HECW2: variants seen among roughly 807,000 people sequenced by gnomAD.
HECW2 encodes E3 ubiquitin-protein ligase HECW2.
Under a neutral mutation model 175.2 loss-of-function variants are expected in HECW2, and 61 were observed. That is an observed-to-expected ratio of 0.35 (90% CI 0.28 to 0.43). The LOEUF is 0.43. Ranked by LOEUF, HECW2 falls within the 20% of genes least tolerant of loss-of-function variation. The pLI is 1.00. For synonymous variants in HECW2, 671 were observed against 731.0 expected, an observed-to-expected ratio of 0.92 and a Z score of 1.32; for missense variants, 1,524 against 2,000.5, an observed-to-expected ratio of 0.76 and a Z score of 4.54.
At chr2:196,413,029 C>T (rs1196973313) in intron 2 of HECW2, among the ~76,000 whole-genome samples, 1 of 152,148 alleles carries the variant, frequency 6.6e-6, no homozygotes, top group East Asian at 1.9e-4. Context: ...AGGTGGAGAG[C>T]TGCCCTAAGA....
chr2:196,275,742 C>T (rs6710017), intron 15 of HECW2, among the ~76,000 whole-genome samples: 6,997 of 148,462 alleles, frequency 0.047, 547 homozygotes, highest in African/African-American at 0.17. Flanking sequence ...CAAAGCAAGA[C>T]TCTGTCTTAA....
rs1203023918 is a variant in HECW2, at chr2:196,199,477, TA to T, written c.*1799del. ...GTATTCCTCTTGAGGGTCCCAGTAG[TA>T]AACATAGCTTAACTCACAGGAGAGC... On this transcript the variant is annotated 3_prime_UTR_variant, in exon 29 of 29. Transcript: ENST00000644978. 1 of 152,598 alleles carries T rather than the reference TA, an allele frequency of 6.6e-6. No homozygotes were observed. Among genetic ancestry groups the T allele is most frequent in the Non-Finnish European group, 1.5e-5 (1 of 68,016 alleles). 9.5% of individuals were successfully genotyped at this position (152,598 alleles called of 1,614,324 possible). A position where few individuals can be genotyped will look rare whatever the true frequency, so the allele number is the denominator to read the frequency against.
At chr2:196,211,362 G>T (rs562487710) in intron 28 of HECW2, among the ~76,000 whole-genome samples, 2 of 152,294 alleles carry the variant, frequency 1.3e-5, no homozygotes, top group East Asian at 3.9e-4. Flanking sequence ...AGCACCAGGG[G>T]TATGAAGTCT....
At position 196,307,230 on chromosome 2, in the gene HECW2, A is replaced by G. The variant is rs776948795; in HGVS notation, c.2589T>C (p.Tyr863=). 10 of 1,602,666 alleles carry G rather than the reference A, an allele frequency of 6.2e-6. No homozygotes were observed. Among genetic ancestry groups the G allele is most frequent in the Admixed American group, 5.0e-5 (3 of 59,984 alleles). ...IQQMEQLNRR[Y]QSIRRTMTNE... ...TGGTCATGGTTCTGCGGATACTCTGATATCTAAAATCATGAGCCTAGAGTT... is the reference window on the plus strand; with the variant it reads ...TGGTCATGGTTCTGCGGATACTCTGGTATCTAAAATCATGAGCCTAGAGTT... Residue 863 remains tyrosine, a synonymous_variant, in exon 12 of 29, where the codon TAT becomes TAC. Coordinates refer to ENST00000644978, the MANE Select transcript of HECW2 (RefSeq NM_001348768.2).
chr2:196,419,806 T>C (rs1695360372), intron 2 of HECW2, among the ~76,000 whole-genome samples: 1 of 152,104 alleles, frequency 6.6e-6, no homozygotes. Flanking sequence ...TATTAAGAAA[T>C]TGAAGCTCGG....
rs1686617055 is a variant in HECW2 at position 196,194,182 on chromosome 2, A to G, written c.*7095T>C. On this transcript the variant is annotated 3_prime_UTR_variant, in exon 29 of 29. Transcript: ENST00000644978. ...AACAAAGTAGATTCCAAACAAAATA[A>G]ACAAATATTTTATTAATAAATAATA... 6.6e-6 allele frequency: 1 copy of G among 151,808 alleles called. No individual in the cohort carries two copies. Among genetic ancestry groups the G allele is most frequent in the Non-Finnish European group, 1.5e-5 (1 of 67,944 alleles). The allele number at this position is 151,808 out of a possible 1,614,324, so 9.4% of individuals were successfully genotyped here.
intron 1 of HECW2, among the ~76,000 whole-genome samples, chr2:196,442,645 T>C (rs1230966710): frequency 6.6e-6 from 1 of 152,206 alleles, no homozygotes; most frequent in African/African-American, 2.4e-5. Flanking sequence ...AGATTTGACA[T>C]GGGAATTTGT....
intron 1 of HECW2, among the ~76,000 whole-genome samples, chr2:196,572,943 G>A (rs76702178): frequency 0.063 from 9,541 of 152,134 alleles, 1,026 homozygotes; most frequent in African/African-American, 0.22. Flanking sequence ...ATGGTATTCC[G>A]TTATAGCAGT....
intron 2 of HECW2, among the ~76,000 whole-genome samples, chr2:196,353,411 A>T (rs1311469296): frequency 2.0e-5 from 3 of 152,192 alleles, no homozygotes; most frequent in Non-Finnish European, 2.9e-5. Flanking sequence ...CTAGTTACAC[A>T]TTTAAATATA....
intron 15 of HECW2, among the ~76,000 whole-genome samples, chr2:196,275,763 A>G (rs1689931926): frequency 6.6e-6 from 1 of 151,946 alleles, no homozygotes; most frequent in Admixed American, 6.6e-5. Flanking sequence ...AAAAAAAAAA[A>G]GAATGCAGGA....
chr2:196,440,697 C>A (rs1369292911), intron 1 of HECW2, among the ~76,000 whole-genome samples: 3 of 152,146 alleles, frequency 2.0e-5, no homozygotes, highest in Non-Finnish European at 4.4e-5. Context: ...GACACATTTT[C>A]TTCAGAAAAT....
chr2:196,333,534 A>G (rs1168058162), intron 4 of HECW2, among the ~76,000 whole-genome samples: 3 of 152,126 alleles, frequency 2.0e-5, no homozygotes, highest in Non-Finnish European at 4.4e-5. Flanking sequence ...CACACATACA[A>G]TGTTGTAAAG....
At chr2:196,519,468 C>T (rs998502145) in intron 1 of HECW2, among the ~76,000 whole-genome samples, 15 of 152,196 alleles carry the variant, frequency 9.9e-5, no homozygotes, top group Non-Finnish European at 2.1e-4. Context: ...AGAAAATGCA[C>T]ACCTTCTTAT....
chr2:196,300,646 T>G (rs780526743), intron 13 of HECW2, among the ~76,000 whole-genome samples: 11 of 152,174 alleles, frequency 7.2e-5, no homozygotes, highest in Non-Finnish European at 1.2e-4. Flanking sequence ...AAATTATAAG[T>G]CAGGAAGTGT....
In HECW2 at chr2:196,234,169, CA is replaced by C. The variant is rs1688156018; in HGVS notation, c.3765-5916del. On this transcript the variant is annotated intron_variant, in intron 21 of 28. Transcript: ENST00000644978. ...TGGCCATGGAGAAAAAGAGGCAGGG[CA>C]ATCACAGTGTAAACCTCCTCTCTTT... Among the ~76,000 whole-genome samples, 4 of 152,194 alleles carry C rather than the reference CA, an allele frequency of 2.6e-5. No homozygotes were observed. In the South Asian group the frequency reaches 8.3e-4, roughly 32 times the overall value.
At chr2:196,311,271 A>C (rs986872625) in intron 10 of HECW2, among the ~76,000 whole-genome samples, 2 of 152,224 alleles carry the variant, frequency 1.3e-5, no homozygotes, top group Non-Finnish European at 2.9e-5. Flanking sequence ...AGGATCAATA[A>C]AAATGCAGAT....
chr2:196,453,059 T>C (rs949715061), intron 1 of HECW2, among the ~76,000 whole-genome samples: 3 of 152,188 alleles, frequency 2.0e-5, no homozygotes, highest in African/African-American at 4.8e-5. Flanking sequence ...CTAAGGAATA[T>C]GTTTAGGCAA....
At chr2:196,285,714 A>G (rs1328178653) in intron 14 of HECW2, among the ~76,000 whole-genome samples, 3 of 152,206 alleles carry the variant, frequency 2.0e-5, no homozygotes, top group Admixed American at 1.3e-4. Context: ...CAAATAGTGG[A>G]GATGAAAAGG....
intron 2 of HECW2, among the ~76,000 whole-genome samples, chr2:196,359,978 C>T (rs10206594): frequency 6.6e-6 from 1 of 151,976 alleles, no homozygotes; most frequent in Admixed American, 6.6e-5. Context: ...GTGTCACACA[C>T]CTGCAGTTCT....
Sources: gnomAD v4.1 joint callset for allele counts (sites outside exome capture counted in the v4.1 genomes callset) on GRCh38, gnomAD v4.1.1 for gene constraint, MANE v1.5 for transcripts, NCBI Gene and HGNC (gene_info 2026-07-23, HGNC 2026-07-21) for gene names.